The following NEMF variants were observed in gnomAD, a reference collection of about 807,000 sequenced individuals.
NEMF encodes ribosome quality control complex subunit NEMF.
In NEMF, 89 loss-of-function variants were observed where a neutral mutation model predicts 162.2. That is an observed-to-expected ratio of 0.55 (90% CI 0.46 to 0.65). The LOEUF is 0.65. Ranked by LOEUF, NEMF falls within the 30% of genes least tolerant of loss-of-function variation. The probability of loss-of-function intolerance (pLI) is 0.00; values close to 1 mark genes in which losing one functional copy is unlikely to be tolerated. For missense variants in NEMF, 1,133 were observed against 1,261.9 expected, an observed-to-expected ratio of 0.90 and a Z score of 1.55; for synonymous variants, 421 against 404.5, an observed-to-expected ratio of 1.04 and a Z score of -0.49.
In NEMF at chr14:49,817,856, C is replaced by A. The variant is rs1445190587; in HGVS notation, c.1578-2999G>T. ...AAAACTCCAGGACTACTCAGCTTCACAGGTGAATTTCATCAGCTATTTAAG... is the reference window on the plus strand; with the variant it reads ...AAAACTCCAGGACTACTCAGCTTCAAAGGTGAATTTCATCAGCTATTTAAG... On this transcript the variant is annotated intron_variant, in intron 16 of 32. Transcript: ENST00000298310. Among the ~76,000 whole-genome samples, 4 of 152,268 alleles carry A rather than the reference C, an allele frequency of 2.6e-5. No individual in the cohort carries two copies. In the East Asian group the frequency reaches 5.8e-4, roughly 22 times the overall value.
At chr14:49,833,568 G>A in intron 7 of NEMF, 72 bp from the exon 8 acceptor site, 1 of 937,446 alleles carries the variant, frequency 1.1e-6, no homozygotes, top group Non-Finnish European at 1.6e-6. Flanking sequence ...AAACAACTAT[G>A]TAGAAAAACA....
intron 5 of NEMF, among the ~76,000 whole-genome samples, chr14:49,838,677 T>C (rs1379834384): frequency 4.0e-5 from 6 of 150,098 alleles, no homozygotes; most frequent in Admixed American, 2.0e-4. Context: ...CTCCGCCTCC[T>C]GGGTTCACGC....
In NEMF at chr14:49,784,587, A is replaced by G; in HGVS notation, c.*49T>C. ...TGGTGCTTTCATCTTTGAACTTCCA[A>G]AAGGCTATAAAATTGGCTCTTCTCA... On this transcript the variant is annotated 3_prime_UTR_variant, in exon 33 of 33. Coordinates refer to ENST00000298310, the MANE Select transcript of NEMF (RefSeq NM_004713.6). 1 of 1,325,374 alleles carries G rather than the reference A, an allele frequency of 7.5e-7. No homozygotes were observed. The highest frequency in any genetic ancestry group is 1.1e-6 in the Non-Finnish European group (1 of 928,960). The allele number at this position is 1,325,374 out of a possible 1,614,324, so 82.1% of individuals were successfully genotyped here. A position where few individuals can be genotyped will look rare whatever the true frequency, so the allele number is the denominator to read the frequency against.
At chr14:49,792,824 A>C (rs1258528613) in intron 26 of NEMF, among the ~76,000 whole-genome samples, 3 of 152,032 alleles carry the variant, frequency 2.0e-5, no homozygotes, top group Non-Finnish European at 4.4e-5. Flanking sequence ...AAATAATAAA[A>C]ATAAAAATTA....
At position 49,852,689 on chromosome 14, in the gene NEMF, C is replaced by G. The variant is rs769157686; in HGVS notation, c.59+6G>C. On this transcript the variant is annotated splice_donor_region_variant and intron_variant, in intron 1 of 32. Coordinates refer to ENST00000298310, the MANE Select transcript of NEMF (RefSeq NM_004713.6). ...CACACGAGCCTCGTCACTTAGGGTA[C>G]TGTACCTAGCATTCAGCTCCGCGAG... 7.4e-6 allele frequency: 12 copies of G among 1,614,242 alleles called. No homozygotes were observed. The East Asian group carries it at 1.3e-4, about 18-fold the overall frequency.
chr14:49,833,505 G>A lies in NEMF; in HGVS notation c.662-9C>T. On this transcript the variant is annotated splice_polypyrimidine_tract_variant and intron_variant, in intron 7 of 32. Coordinates refer to ENST00000298310, the MANE Select transcript of NEMF (RefSeq NM_004713.6). Reference sequence around the variant, plus strand: ...AAGTACTTTTTCAATATCTAATGGTGGGGGAAAAAAAGGAAAAAAGGAGTG... The same window carrying A: ...AAGTACTTTTTCAATATCTAATGGTAGGGGAAAAAAAGGAAAAAAGGAGTG... 1.3e-6 allele frequency: 2 copies of A among 1,547,956 alleles called. No homozygotes were observed. Among genetic ancestry groups the A allele is most frequent in the South Asian group, 2.4e-5 (2 of 82,918 alleles).
Position 49,803,846 on chromosome 14 carries a change from G to A in NEMF, c.1858-552C>T, listed in dbSNP as rs556085232. On this transcript the variant is annotated intron_variant, in intron 19 of 32. Coordinates refer to ENST00000298310, the MANE Select transcript of NEMF (RefSeq NM_004713.6). The stretch of plus-strand genomic sequence containing the variant: ...GCAATAATTTTCAAATGCCATGGAC[G>A]ACAGCCAGAACTGGTCCACTCATCT... Among the ~76,000 whole-genome samples, 6 of 151,878 alleles carry A rather than the reference G, an allele frequency of 4.0e-5. No homozygotes were observed. The East Asian group carries it at 7.8e-4, about 20-fold the overall frequency.
chr14:49,837,448 T>C (rs1283580733), intron 6 of NEMF, among the ~76,000 whole-genome samples: 1 of 151,926 alleles, frequency 6.6e-6, no homozygotes, highest in Admixed American at 6.6e-5. Flanking sequence ...GCTCGGAGTT[T>C]GAGACCAGCC....
Position 49,851,685 on chromosome 14 carries a change from A to C in NEMF, c.129-20T>G. 1.2e-6 allele frequency: 2 copies of C among 1,600,086 alleles called. No homozygotes were observed. On this transcript the variant is annotated intron_variant, in intron 2 of 32. Coordinates refer to ENST00000298310, the MANE Select transcript of NEMF (RefSeq NM_004713.6). Reference sequence around the variant, plus strand: ...TCCGGTCTGTAGAAGAAAAAAGTCGAATTTTTCTTTAGGGTATATGCCAAA... The same window carrying C: ...TCCGGTCTGTAGAAGAAAAAAGTCGCATTTTTCTTTAGGGTATATGCCAAA...
In NEMF at chr14:49,851,598, G is replaced by A. The variant is rs1893779245; in HGVS notation, c.196C>T (p.Pro66Ser). 1.2e-6 allele frequency: 2 copies of A among 1,613,594 alleles called. No individual in the cohort carries two copies. The highest frequency in any genetic ancestry group is 1.7e-6 in the Non-Finnish European group (2 of 1,179,702). The change falls in exon 3 of 33, where the codon CCT (proline) becomes TCT (serine). Residue 66 changes from proline to serine, a missense_variant. Physicochemically the swap from Pro to Ser is moderately conservative, Grantham distance 74 (BLOSUM62 -1). Around this residue, in one of 3 missense-constraint regions of NEMF, gnomAD observed 582 missense variants for 631.5 expected, o/e 0.92. Transcript: ENST00000298310. ...IRIHTTEFEW[P>S]KNMMPSSFAM... ...AAACTAGACGGCATCATATTCTTAGGCCACTCAAATTCTGTTGTATGAATT... is the reference window on the plus strand; with the variant it reads ...AAACTAGACGGCATCATATTCTTAGACCACTCAAATTCTGTTGTATGAATT...
At chr14:49,792,141 TA>T (rs760568756) in intron 26 of NEMF, among the ~76,000 whole-genome samples, 534 of 137,582 alleles carry the variant, frequency 3.9e-3, no homozygotes, top group Non-Finnish European at 3.6e-3. Flanking sequence ...AGACCCAGTC[TA>T]AAAAAAAAAA....
intron 26 of NEMF, among the ~76,000 whole-genome samples, chr14:49,790,958 A>T (rs1369859806): frequency 6.6e-6 from 1 of 152,050 alleles, no homozygotes; most frequent in Non-Finnish European, 1.5e-5. Context: ...ATGCTATTGC[A>T]CTCCAACCTG....
chr14:49,816,809 A>T (rs111350225), intron 16 of NEMF, among the ~76,000 whole-genome samples: 195 of 152,360 alleles, frequency 1.3e-3, no homozygotes, highest in African/African-American at 4.5e-3. Context: ...GAGGTTTGTA[A>T]AAAGACAAAG....
chr14:49,807,592 A>ATTTTTT (rs371689750), intron 18 of NEMF, among the ~76,000 whole-genome samples: 2 of 125,366 alleles, frequency 1.6e-5, no homozygotes, highest in African/African-American at 3.0e-5. Flanking sequence ...GTATCTTGTG[A>ATTTTTT]TTTTTTTTTT....
At chr14:49,829,497 C>T in intron 11 of NEMF, 71 bp from the exon 12 acceptor site, 1 of 1,224,804 alleles carries the variant, frequency 8.2e-7, no homozygotes, top group South Asian at 1.3e-5. Flanking sequence ...TCTTACTTCC[C>T]AACACTCACT....
rs1304752233 is a variant in NEMF at position 49,827,116 on chromosome 14, G to C, written c.1489-1161C>G. The stretch of plus-strand genomic sequence containing the variant: ...ATCTCCCGTCCTTCTTGCAGGATAG[G>C]AGAAGGGCTCTGAATTGTATTAAGA... On this transcript the variant is annotated intron_variant, in intron 15 of 32. Transcript: ENST00000298310. Among the ~76,000 whole-genome samples, 3 of 152,306 alleles carry C rather than the reference G, an allele frequency of 2.0e-5. No individual in the cohort carries two copies. The East Asian group carries it at 5.8e-4, about 29-fold the overall frequency.
At chr14:49,822,165 A>C (rs961034627) in intron 16 of NEMF, among the ~76,000 whole-genome samples, 1 of 152,034 alleles carries the variant, frequency 6.6e-6, no homozygotes, top group Non-Finnish European at 1.5e-5. Flanking sequence ...TAGGGACACA[A>C]ACACTCTGCC....
At chr14:49,810,616 C>T (rs1194276096) in intron 18 of NEMF, among the ~76,000 whole-genome samples, 1 of 152,138 alleles carries the variant, frequency 6.6e-6, no homozygotes, top group East Asian at 1.9e-4. Flanking sequence ...ATTTTCAATA[C>T]TGCTTTCGCT....
At chr14:49,785,377 G>T in intron 29 of NEMF, 57 bp from the exon 30 acceptor site, 1 of 1,149,530 alleles carries the variant, frequency 8.7e-7, no homozygotes, top group Non-Finnish European at 1.3e-6. Flanking sequence ...TACAAAAAAT[G>T]CTAAAACACT....
Sources: allele counts gnomAD v4.1 joint callset (sites outside exome capture counted in the v4.1 genomes callset), GRCh38; gene constraint gnomAD v4.1.1; regional missense constraint gnomAD v4.1.1; transcripts MANE v1.5; gene names NCBI Gene and HGNC (gene_info 2026-07-23, HGNC 2026-07-21).